NAE1: variants seen among roughly 807,000 people sequenced by gnomAD.
The protein encoded by NAE1 is NEDD8 activating enzyme E1 subunit 1.
In NAE1, 59 loss-of-function variants were observed where a neutral mutation model predicts 88.0. The observed-to-expected ratio is 0.67, with a 90% confidence interval of 0.54 to 0.83. The LOEUF (loss-of-function observed/expected upper bound fraction) is 0.83, where lower values mean the gene tolerates loss of function less well. Among genes scored for constraint, NAE1 ranks in the 40% least tolerant of loss-of-function variants. The pLI, the probability that NAE1 is intolerant of heterozygous loss-of-function variation, is 0.00. For synonymous variants in NAE1, 186 were observed against 208.9 expected, an observed-to-expected ratio of 0.89 and a Z score of 0.95; for missense variants, 554 against 632.8, an observed-to-expected ratio of 0.88 and a Z score of 1.34.
At chr16:66,817,894 T>C (rs1335790085) in intron 8 of NAE1, among the ~76,000 whole-genome samples, 2 of 152,208 alleles carry the variant, frequency 1.3e-5, no homozygotes, top group African/African-American at 2.4e-5. Context: ...TATTTCTATT[T>C]GTTTAGAAAA....
At chr16:66,814,652 G>A (rs1959968360) in intron 11 of NAE1, among the ~76,000 whole-genome samples, 1 of 150,136 alleles carries the variant, frequency 6.7e-6, no homozygotes. Context: ...GGATTCTACT[G>A]ATGGGTGGAA....
intron 7 of NAE1, among the ~76,000 whole-genome samples, 172 bp downstream of exon 7, chr16:66,821,278 A>G (rs1191829484): frequency 6.6e-6 from 1 of 152,248 alleles, no homozygotes; most frequent in Non-Finnish European, 1.5e-5. Flanking sequence ...CTATAATGCT[A>G]CATAAAGAGT....
intron 10 of NAE1, 68 bp downstream of exon 10, chr16:66,816,897 A>G: frequency 6.5e-7 from 1 of 1,546,052 alleles, no homozygotes; most frequent in Non-Finnish European, 8.7e-7. Flanking sequence ...ACAGAAATCC[A>G]ATAAGTACCT....
chr16:66,822,113 C>T (rs1177610596), intron 6 of NAE1, among the ~76,000 whole-genome samples: 2 of 152,172 alleles, frequency 1.3e-5, no homozygotes, highest in Non-Finnish European at 2.9e-5. Context: ...TGATCTGAAC[C>T]TGTCTCAGCC....
At chr16:66,823,702 T>C (rs1007242591) in intron 4 of NAE1, 102 bp from the exon 5 acceptor site, 1 of 859,002 alleles carries the variant, frequency 1.2e-6, no homozygotes, top group African/African-American at 1.7e-5. Flanking sequence ...ACTATCCAAA[T>C]TTCATGCATA....
At chr16:66,809,142 CTT>C in intron 15 of NAE1, 67 bp from the exon 16 acceptor site, 1 of 1,235,966 alleles carries the variant, frequency 8.1e-7, no homozygotes, top group South Asian at 1.3e-5. Flanking sequence ...TCACAGGTGA[CTT>C]TAAGAACAGA....
At chr16:66,815,547 A>C (rs962404253) in intron 11 of NAE1, among the ~76,000 whole-genome samples, 5 of 152,064 alleles carry the variant, frequency 3.3e-5, no homozygotes, top group African/African-American at 1.2e-4. Context: ...TGTAGAGACA[A>C]GATCTCCCTA....
chr16:66,815,139 T>C (rs1332767059), intron 11 of NAE1, among the ~76,000 whole-genome samples: 1 of 152,192 alleles, frequency 6.6e-6, no homozygotes, highest in African/African-American at 2.4e-5. Flanking sequence ...TGCTGTAATT[T>C]TGTTCACAGC....
chr16:66,820,929 C>T (rs929183178), intron 7 of NAE1, among the ~76,000 whole-genome samples: 2 of 147,086 alleles, frequency 1.4e-5, no homozygotes, highest in African/African-American at 2.6e-5. Flanking sequence ...ATTAGCTGGG[C>T]ATGGTGGCGG....
chr16:66,808,637 T>A, intron 16 of NAE1, 24 bp from the exon 17 acceptor site: 1 of 1,461,820 alleles, frequency 6.8e-7, no homozygotes, highest in Non-Finnish European at 9.6e-7. Context: ...AAATTTCAGT[T>A]TAATTTGGTT....
At position 66,826,779 on chromosome 16, in the gene NAE1, A is replaced by T. The variant is rs1960480131; in HGVS notation, c.55T>A (p.Leu19Met). The change falls in exon 2 of 20, where the codon TTG becomes ATG. Residue 19 changes from leucine to methionine, a missense_variant and splice_region_variant. Physicochemically the swap from Leu to Met is conservative, Grantham distance 15. Coordinates refer to ENST00000290810, the MANE Select transcript of NAE1 (RefSeq NM_003905.4). ...GCCTCTTGCCCATGATCACCCCACA[A>T]CCTACAAAACAGACACAAATTTGAT... ...KEQKYDRQLR[L>M]WGDHGQEALE... 6.3e-7 allele frequency: 1 copy of T among 1,586,144 alleles called. No individual in the cohort carries two copies. Among genetic ancestry groups the T allele is most frequent in the African/African-American group, 1.4e-5 (1 of 73,072 alleles).
At chr16:66,821,344 T>A in intron 7 of NAE1, 106 bp downstream of exon 7, 1 of 1,331,846 alleles carries the variant, frequency 7.5e-7, no homozygotes, top group African/African-American at 1.5e-5. Context: ...AGAGATGTGC[T>A]GCTACAAATT....
chr16:66,821,620 A>T (rs1374030748), intron 6 of NAE1, 61 bp from the exon 7 acceptor site: 1 of 1,340,926 alleles, frequency 7.5e-7, no homozygotes, highest in Non-Finnish European at 1.0e-6. Flanking sequence ...CAAACATGAA[A>T]ACATGCAAAA....
At chr16:66,822,343 G>A (rs1037793554) in intron 6 of NAE1, among the ~76,000 whole-genome samples, 3 of 152,194 alleles carry the variant, frequency 2.0e-5, no homozygotes, top group African/African-American at 7.2e-5. Flanking sequence ...GGCTGAGGCA[G>A]GCAGATGACT....
intron 19 of NAE1, 78 bp from the exon 20 acceptor site, chr16:66,803,196 T>A (rs1426664003): frequency 9.8e-7 from 1 of 1,015,318 alleles, no homozygotes; most frequent in Admixed American, 2.4e-5. Context: ...GTAAAGAAAC[T>A]TTTCCTTTTC....
chr16:66,826,838 T>G, intron 1 of NAE1, 58 bp from the exon 2 acceptor site: 1 of 1,486,712 alleles, frequency 6.7e-7, no homozygotes, highest in Non-Finnish European at 9.2e-7. Context: ...ACAGCTTTCT[T>G]ATTTGAATGG....
chr16:66,817,070 CAA>C (rs1960072922), intron 9 of NAE1, 42 bp from the exon 10 acceptor site: 3 of 1,562,110 alleles, frequency 1.9e-6, no homozygotes, highest in Non-Finnish European at 2.6e-6. Context: ...TATTAAAATT[CAA>C]AATACAGAAA....
intron 13 of NAE1, among the ~76,000 whole-genome samples, chr16:66,811,803 A>G (rs1483705308): frequency 1.3e-5 from 2 of 152,188 alleles, no homozygotes; most frequent in African/African-American, 4.8e-5. Context: ...TCTATCCTCA[A>G]TTGACCTTCC....
Position 66,810,761 on chromosome 16 carries a change from T to C in NAE1, c.1046A>G (p.Lys349Arg). 1 of 1,614,036 alleles carries C rather than the reference T, an allele frequency of 6.2e-7. No homozygotes were observed. Among genetic ancestry groups the C allele is most frequent in the Non-Finnish European group, 8.5e-7 (1 of 1,179,990 alleles). Reference protein sequence around the residue: ...YIKLQNVYREKAKKDAAAVGN... With the variant: ...YIKLQNVYRERAKKDAAAVGN... ...CACAGCGGCAGCATCTTTCTTTGCT[T>C]TTTCACGGTAACTAAAAAAGAATAA... Residue 349 changes from lysine to arginine, a missense_variant, in exon 14 of 20, where the codon AAA (lysine) becomes AGA (arginine). Physicochemically the swap from Lys to Arg is conservative, Grantham distance 26. Coordinates refer to ENST00000290810, the MANE Select transcript of NAE1 (RefSeq NM_003905.4).
Sources: gnomAD v4.1 joint callset for allele counts (sites outside exome capture counted in the v4.1 genomes callset) on GRCh38, gnomAD v4.1.1 for gene constraint, MANE v1.5 for transcripts, NCBI Gene and HGNC (gene_info 2026-07-23, HGNC 2026-07-21) for gene names.